Variants in ITPRID1 observed in about 807,000 individuals in gnomAD.
ITPRID1 encodes ITPR interacting domain containing 1, also known as protein ITPRID1.
Under a neutral mutation model 95.4 loss-of-function variants are expected in ITPRID1, and 96 were observed. The observed-to-expected ratio is 1.01, with a 90% CI of 0.85 to 1.19. The LOEUF is 1.19. Ranked by LOEUF, ITPRID1 falls within the 50% of genes most tolerant of loss-of-function variation. ITPRID1 has a pLI of 0.00. For synonymous variants in ITPRID1, 510 were observed against 453.6 expected, an observed-to-expected ratio of 1.12 and a Z score of -1.58; for missense variants, 1,339 against 1,252.9, an observed-to-expected ratio of 1.07 and a Z score of -1.04.
chr7:31,620,646 C>T (rs1487220604), intron 10 of ITPRID1, among the ~76,000 whole-genome samples: 1 of 150,190 alleles, frequency 6.7e-6, no homozygotes, highest in African/African-American at 2.4e-5. Context: ...TAGATAAAAC[C>T]ACAAAGATGG....
At chr7:31,559,942 T>C (rs1350074361) in intron 5 of ITPRID1, among the ~76,000 whole-genome samples, 2 of 152,198 alleles carry the variant, frequency 1.3e-5, no homozygotes, top group African/African-American at 4.8e-5. Flanking sequence ...AAATATGTGT[T>C]GATTGCCTCC....
chr7:31,648,571 C>T (rs1790685500), intron 12 of ITPRID1, among the ~76,000 whole-genome samples: 1 of 152,136 alleles, frequency 6.6e-6, no homozygotes. Context: ...AACCAAAACA[C>T]CCCAGTCTTA....
At chr7:31,542,901 C>T (rs768474520) in intron 1 of ITPRID1, among the ~76,000 whole-genome samples, 2 of 152,134 alleles carry the variant, frequency 1.3e-5, no homozygotes, top group Non-Finnish European at 2.9e-5. Context: ...AAAGGTCCCA[C>T]AGCTTTTACT....
At position 31,614,909 on chromosome 7, in the gene ITPRID1, A is replaced by G. The variant is rs576372258; in HGVS notation, c.1229-27267A>G. Among the ~76,000 whole-genome samples, 3 of 152,312 alleles carry G rather than the reference A, an allele frequency of 2.0e-5. No individual in the cohort carries two copies. In the South Asian group the frequency reaches 6.2e-4, roughly 32 times the overall value. ...CAAGGAACCCTAGAGTGTCCTTTGG[A>G]GTATGGCGGGAATGAACACCACACC... On this transcript the variant is annotated intron_variant, in intron 10 of 14. Coordinates refer to ENST00000615280, the MANE Select transcript of ITPRID1 (RefSeq NM_001257967.3).
chr7:31,583,173 A>G lies in ITPRID1; in HGVS notation c.1210A>G (p.Met404Val), dbSNP rs1162269906. Residue 404 changes from methionine (M) to valine (V), a missense_variant, in exon 10 of 15, where the codon ATG becomes GTG. Physicochemically the swap from Met to Val is conservative, Grantham distance 21. Coordinates refer to ENST00000615280, the MANE Select transcript of ITPRID1 (RefSeq NM_001257967.3). ...AGAAGAGACTGGTAATCCTCTTGAC[A>G]TGACTTCAGGAACTGTAGGTAAGAA... ...FEEETGNPLD[M>V]TSGTVGARVD... 1.9e-6 allele frequency: 3 copies of G among 1,611,218 alleles called. No individual in the cohort carries two copies. Among genetic ancestry groups the G allele is most frequent in the Non-Finnish European group, 2.5e-6 (3 of 1,177,844 alleles).
In ITPRID1 at chr7:31,643,027, GT is replaced by G; in HGVS notation, c.1658del (p.Val553AlafsTer18). ...LLPMPHAEYE[V>X]TRPTATSKYD... ...GCCAATGCCCCATGCTGAGTATGAG[GT>G]CACCAGACCCACAGCCACTTCCAAA... On this transcript the variant is annotated frameshift_variant, in exon 12 of 15. Coordinates refer to ENST00000615280, the MANE Select transcript of ITPRID1 (RefSeq NM_001257967.3). LOFTEE classifies it high-confidence loss of function. 3.7e-6 allele frequency: 6 copies of G among 1,613,984 alleles called. No homozygotes were observed. Among genetic ancestry groups the G allele is most frequent in the Non-Finnish European group, 5.1e-6 (6 of 1,179,876 alleles).
At chr7:31,558,169 G>A (rs895281627) in intron 5 of ITPRID1, among the ~76,000 whole-genome samples, 9 of 152,200 alleles carry the variant, frequency 5.9e-5, no homozygotes, top group Admixed American at 2.6e-4. Flanking sequence ...CTTCCACCAT[G>A]GAATGACACA....
intron 10 of ITPRID1, among the ~76,000 whole-genome samples, chr7:31,615,780 G>A (rs1787153808): frequency 6.7e-6 from 1 of 148,190 alleles, no homozygotes; most frequent in Non-Finnish European, 1.5e-5. Flanking sequence ...CTGAGACAGA[G>A]TCTCGCTCTG....
chr7:31,580,276 C>A lies in ITPRID1; in HGVS notation c.1170+1842C>A, dbSNP rs945512210. On this transcript the variant is annotated intron_variant, in intron 9 of 14. Transcript: ENST00000615280. Reference sequence around the variant, plus strand: ...TCGCACCACTGCTCTCCAGCCTAGACAACAAGAGCAAAACTCTGTCTCAAA... The same window carrying A: ...TCGCACCACTGCTCTCCAGCCTAGAAAACAAGAGCAAAACTCTGTCTCAAA... Among the ~76,000 whole-genome samples, 10 of 107,080 alleles carry A rather than the reference C, an allele frequency of 9.3e-5. No individual in the cohort carries two copies. The East Asian group carries it at 1.7e-3, about 18-fold the overall frequency. The allele number at this position is 107,080 out of a possible 152,430, so 70.2% of individuals were successfully genotyped here.
chr7:31,585,833 T>C (rs975460266), intron 10 of ITPRID1, among the ~76,000 whole-genome samples: 7 of 151,868 alleles, frequency 4.6e-5, no homozygotes, highest in African/African-American at 1.7e-4. Flanking sequence ...GCATGACAAA[T>C]CTTTTTTTTT....
At chr7:31,586,644 A>G (rs2128151624) in intron 10 of ITPRID1, among the ~76,000 whole-genome samples, 1 of 152,240 alleles carries the variant, frequency 6.6e-6, no homozygotes, top group Middle Eastern at 3.4e-3. Flanking sequence ...TCTTCTTTTG[A>G]GAAGTGTCTG....
At chr7:31,575,695 A>T (rs1785156881) in intron 8 of ITPRID1, among the ~76,000 whole-genome samples, 1 of 152,120 alleles carries the variant, frequency 6.6e-6, no homozygotes, top group Non-Finnish European at 1.5e-5. Context: ...TGGAGGGGGG[A>T]AATGACAAAA....
intron 10 of ITPRID1, among the ~76,000 whole-genome samples, chr7:31,597,575 G>C (rs1277703161): frequency 6.6e-6 from 1 of 151,418 alleles, no homozygotes; most frequent in African/African-American, 2.4e-5. Context: ...ATATTTATAT[G>C]AATACTTTTA....
intron 10 of ITPRID1, among the ~76,000 whole-genome samples, chr7:31,635,660 C>G (rs1422635451): frequency 6.6e-6 from 1 of 152,118 alleles, no homozygotes; most frequent in Non-Finnish European, 1.5e-5. Context: ...GTGTATTAGG[C>G]CGTTCTCATG....
rs781467678 is a variant in ITPRID1 at position 31,643,972 on chromosome 7, A to G, written c.2583+19A>G. ...ATGTTCCGTAAGTGTTCACCCTGGC[A>G]AAGATGGAAAGGCAGATGCACCCGT... On this transcript the variant is annotated intron_variant, in intron 12 of 14. Transcript: ENST00000615280. The G allele has an allele frequency of 1.6e-5, 25 of 1,579,148 alleles. No homozygotes were observed. In the Admixed American group the frequency reaches 4.5e-4, roughly 28 times the overall value.
intron 9 of ITPRID1, among the ~76,000 whole-genome samples, chr7:31,579,701 C>T (rs1410469752): frequency 6.6e-6 from 1 of 151,944 alleles, no homozygotes; most frequent in Non-Finnish European, 1.5e-5. Context: ...TAGCTGCATC[C>T]CACAAAGATA....
At chr7:31,530,422 T>C (rs1783558611) in intron 1 of ITPRID1, among the ~76,000 whole-genome samples, 1 of 152,174 alleles carries the variant, frequency 6.6e-6, no homozygotes, top group Non-Finnish European at 1.5e-5. Context: ...AGTTGCCAGA[T>C]AAAATTTAGG....
At chr7:31,549,376 T>A (rs1277500758) in intron 1 of ITPRID1, 50 bp from the exon 2 acceptor site, 2 of 1,292,556 alleles carry the variant, frequency 1.5e-6, no homozygotes, top group Non-Finnish European at 2.0e-6. Flanking sequence ...AAGTTTATTT[T>A]CTGTGAGACA....
In ITPRID1 at chr7:31,599,627, T is replaced by C. The variant is rs370575278; in HGVS notation, c.1228+16436T>C. On this transcript the variant is annotated intron_variant, in intron 10 of 14. Coordinates refer to ENST00000615280, the MANE Select transcript of ITPRID1 (RefSeq NM_001257967.3). ...TTTCTTTCTTTCTTTCTTTCTTTCT[T>C]TCTTTCTTTCTTTCTTTCTTTTTCT... is the stretch of plus-strand genomic sequence containing the variant. 1.3e-3 allele frequency among the ~76,000 whole-genome samples: 77 copies of C among 60,008 alleles called. 3 individuals carry two copies. Among genetic ancestry groups the C allele is most frequent in the African/African-American group, 2.4e-3 (48 of 19,850 alleles). The allele number at this position is 60,008 out of a possible 152,430, so 39.4% of individuals were successfully genotyped here.
Sources: allele counts gnomAD v4.1 joint callset (sites outside exome capture counted in the v4.1 genomes callset), GRCh38; gene constraint gnomAD v4.1.1; transcripts MANE v1.5; gene names NCBI Gene and HGNC (gene_info 2026-07-23, HGNC 2026-07-21).